The following SNX24 variants were observed in gnomAD, a reference collection of about 807,000 sequenced individuals.
SNX24 encodes the protein sorting nexin 24, also known as sorting nexin-24.
Under a neutral mutation model 28.7 loss-of-function variants are expected in SNX24, and 22 were observed. The observed-to-expected ratio is 0.77, with a 90% confidence interval of 0.55 to 1.10. The LOEUF is 1.10. Ranked by LOEUF, SNX24 falls within the 50% of genes least tolerant of loss-of-function variation. The probability of loss-of-function intolerance (pLI) is 0.00; values close to 1 mark genes in which losing one functional copy is unlikely to be tolerated. For missense variants in SNX24, 221 were observed against 201.1 expected, an observed-to-expected ratio of 1.10 and a Z score of -0.60; for synonymous variants, 69 against 71.5, an observed-to-expected ratio of 0.96 and a Z score of 0.18.
At chr5:122,880,512 C>G (rs1386964514) in intron 1 of SNX24, among the ~76,000 whole-genome samples, 1 of 152,144 alleles carries the variant, frequency 6.6e-6, no homozygotes, top group Non-Finnish European at 1.5e-5. Flanking sequence ...GATGCATGAA[C>G]CTGCCTGCCT....
At chr5:122,882,272 A>G (rs1473455593) in intron 1 of SNX24, among the ~76,000 whole-genome samples, 1 of 152,124 alleles carries the variant, frequency 6.6e-6, no homozygotes, top group African/African-American at 2.4e-5. Flanking sequence ...TTATAGATGA[A>G]CTTTAGCCAA....
Position 123,024,762 on chromosome 5 carries a change from A to C in SNX24, n.384-4476A>C, listed in dbSNP as rs181301083. The stretch of plus-strand genomic sequence containing the variant: ...GAACTGCAGCGAGCAAGACTGGTTT[A>C]TTTACATTTGGATGAGGGAGGTAGA... On this transcript the variant is annotated intron_variant and non_coding_transcript_variant, in intron 5 of 5. Coordinates refer to the SNX24 transcript ENST00000502387. Among the ~76,000 whole-genome samples the C allele has an allele frequency of 2.6e-5, 4 of 152,342 alleles. No homozygotes were observed. In the East Asian group the frequency reaches 7.7e-4, roughly 29 times the overall value.
At chr5:122,947,217 C>T (rs565614476) in intron 3 of SNX24, among the ~76,000 whole-genome samples, 1 of 152,066 alleles carries the variant, frequency 6.6e-6, no homozygotes, top group South Asian at 2.1e-4. Context: ...TAAGCATTAA[C>T]CCTAGGGTGG....
At chr5:122,863,023 A>G (rs1376781658) in intron 1 of SNX24, among the ~76,000 whole-genome samples, 1 of 152,246 alleles carries the variant, frequency 6.6e-6, no homozygotes, top group Admixed American at 6.5e-5. Context: ...AGGCATACTA[A>G]TCTCCCTCTG....
chr5:122,921,107 C>T (rs905417689), intron 1 of SNX24, among the ~76,000 whole-genome samples: 1 of 151,774 alleles, frequency 6.6e-6, no homozygotes, highest in African/African-American at 2.4e-5. Flanking sequence ...CACTATTATG[C>T]ACATGTATTT....
intron 1 of SNX24, among the ~76,000 whole-genome samples, chr5:122,875,740 A>G (rs923587602): frequency 1.3e-5 from 2 of 152,266 alleles, no homozygotes; most frequent in African/African-American, 4.8e-5. Flanking sequence ...TCTGAAAAGC[A>G]GGAGGAGAAT....
At chr5:122,965,647 A>G in intron 3 of SNX24, 1 of 281,718 alleles carries the variant, frequency 3.5e-6, no homozygotes, top group South Asian at 3.5e-5. Context: ...TCTCATAGTA[A>G]GTAATTTGGC....
chr5:122,983,949 C>A (rs549216512), intron 3 of SNX24, among the ~76,000 whole-genome samples: 46 of 152,328 alleles, frequency 3.0e-4, no homozygotes, highest in East Asian at 2.9e-3. Flanking sequence ...CATCAGATTA[C>A]TAACAGAAGG....
At chr5:122,915,748 C>T (rs1758132820) in intron 1 of SNX24, among the ~76,000 whole-genome samples, 1 of 152,188 alleles carries the variant, frequency 6.6e-6, no homozygotes, top group Non-Finnish European at 1.5e-5. Flanking sequence ...GCCTGTGAGG[C>T]CCTCAGTGTG....
chr5:122,873,077 C>T (rs1306215987), intron 1 of SNX24, among the ~76,000 whole-genome samples: 4 of 152,154 alleles, frequency 2.6e-5, no homozygotes, highest in Admixed American at 6.5e-5. Context: ...ATAGGTCCAC[C>T]TGCCTCAGTC....
chr5:122,969,430 G>C (rs936037301), intron 3 of SNX24, among the ~76,000 whole-genome samples: 4 of 152,042 alleles, frequency 2.6e-5, no homozygotes, highest in Non-Finnish European at 5.9e-5. Context: ...TTAGACAACA[G>C]ATATTGGTTT....
intron 3 of SNX24, among the ~76,000 whole-genome samples, chr5:122,968,319 C>T (rs1413968661): frequency 1.3e-5 from 2 of 152,186 alleles, no homozygotes; most frequent in African/African-American, 2.4e-5. Context: ...TGCACTTCAG[C>T]CTGGGCAACA....
intron 1 of SNX24, among the ~76,000 whole-genome samples, chr5:122,876,773 G>A (rs1423945734): frequency 2.6e-5 from 4 of 152,258 alleles, no homozygotes; most frequent in South Asian, 2.1e-4. Context: ...TGCAGTACCC[G>A]GAAGACCTCC....
chr5:122,848,444 C>T (rs1240584951), intron 1 of SNX24, among the ~76,000 whole-genome samples: 1 of 151,604 alleles, frequency 6.6e-6, no homozygotes, highest in East Asian at 2.0e-4. Context: ...TGGCTCATGC[C>T]TGTAATCCCA....
chr5:122,957,506 T>G (rs557876273), intron 3 of SNX24, among the ~76,000 whole-genome samples: 1 of 152,296 alleles, frequency 6.6e-6, no homozygotes, highest in Admixed American at 6.5e-5. Flanking sequence ...TGAGGGCCCC[T>G]TGAAGTTTCA....
At chr5:122,949,842 T>C (rs1044784112) in intron 3 of SNX24, among the ~76,000 whole-genome samples, 6 of 152,200 alleles carry the variant, frequency 3.9e-5, no homozygotes, top group African/African-American at 1.4e-4. Flanking sequence ...AATATCCAAG[T>C]ACGTATAGTA....
intron 6 of SNX24, among the ~76,000 whole-genome samples, chr5:123,006,726 G>A (rs1323006673): frequency 1.3e-5 from 2 of 152,108 alleles, no homozygotes; most frequent in African/African-American, 4.8e-5. Context: ...GAACCCTCCA[G>A]GCTCCCTCTG....
chr5:123,014,552 A>G (rs1051338247), intron 5 of SNX24, among the ~76,000 whole-genome samples: 1 of 151,960 alleles, frequency 6.6e-6, no homozygotes, highest in African/African-American at 2.4e-5. Flanking sequence ...AATGTTATAA[A>G]TTGCAAAGTG....
chr5:122,854,233 G>T (rs1289024957), intron 1 of SNX24, among the ~76,000 whole-genome samples: 1 of 152,188 alleles, frequency 6.6e-6, no homozygotes, highest in Non-Finnish European at 1.5e-5. Flanking sequence ...TGTAGGCCGG[G>T]TGCAGTAGCT....
Sources: allele counts gnomAD v4.1 joint callset (sites outside exome capture counted in the v4.1 genomes callset), GRCh38; gene constraint gnomAD v4.1.1; transcripts MANE v1.5; gene names NCBI Gene and HGNC (gene_info 2026-07-23, HGNC 2026-07-21).